CEP112: variants seen among roughly 807,000 people sequenced by gnomAD.
The protein encoded by CEP112 is centrosomal protein 112.
Under a neutral mutation model 153.0 loss-of-function variants are expected in CEP112, and 127 were observed. That is an observed-to-expected ratio of 0.83 (90% CI 0.72 to 0.96). The LOEUF (loss-of-function observed/expected upper bound fraction) is 0.96, where lower values mean the gene tolerates loss of function less well. Ranked by LOEUF, CEP112 falls within the 40% of genes least tolerant of loss-of-function variation. The pLI is 0.00. For missense variants in CEP112, 1,089 were observed against 1,101.2 expected (o/e 0.99, Z 0.16); for synonymous variants, 358 against 374.4 (o/e 0.96, Z 0.51).
At chr17:65,700,272 A>C (rs1312224546) in intron 23 of CEP112, among the ~76,000 whole-genome samples, 1 of 152,220 alleles carries the variant, frequency 6.6e-6, no homozygotes. Flanking sequence ...ACGTGGTACT[A>C]AACATTACCC....
chr17:66,183,362 ACT>A (rs770557687), intron 1 of CEP112, 55 bp from the exon 2 acceptor site: 11 of 1,222,730 alleles, frequency 9.0e-6, no homozygotes, highest in Non-Finnish European at 1.3e-5. Flanking sequence ...AAACTACAAA[ACT>A]CTGATGAGAA....
intron 6 of CEP112, among the ~76,000 whole-genome samples, chr17:66,103,886 A>C (rs1013904020): frequency 6.6e-6 from 1 of 152,210 alleles, no homozygotes; most frequent in African/African-American, 2.4e-5. Context: ...TCACAGCAGA[A>C]AGAAACAGCA....
At chr17:65,971,608 ATAT>A (rs1022650017) in intron 17 of CEP112, among the ~76,000 whole-genome samples, 22 of 128,396 alleles carry the variant, frequency 1.7e-4, no homozygotes, top group African/African-American at 5.8e-4. Flanking sequence ...TATTGTGTGC[ATAT>A]TATATGTATA....
intron 17 of CEP112, among the ~76,000 whole-genome samples, chr17:65,975,920 G>T (rs757858430): frequency 2.6e-5 from 4 of 152,162 alleles, no homozygotes; most frequent in Non-Finnish European, 4.4e-5. Flanking sequence ...TAAACAAAAA[G>T]AATCTGAAAT....
At chr17:65,638,298 A>G (rs2044892173) in intron 25 of CEP112, among the ~76,000 whole-genome samples, 1 of 152,218 alleles carries the variant, frequency 6.6e-6, no homozygotes, top group African/African-American at 2.4e-5. Flanking sequence ...AGCACCTTAC[A>G]CAACCCAAAT....
chr17:65,795,276 G>A (rs1193591107), intron 21 of CEP112, among the ~76,000 whole-genome samples: 1 of 152,142 alleles, frequency 6.6e-6, no homozygotes, highest in Non-Finnish European at 1.5e-5. Flanking sequence ...TGGTTATTAT[G>A]ATTAAAGGGG....
chr17:65,650,742 A>AAAT (rs1567810689), intron 24 of CEP112, among the ~76,000 whole-genome samples: 1 of 150,466 alleles, frequency 6.6e-6, no homozygotes, highest in African/African-American at 2.4e-5. Flanking sequence ...AAAAAAAAAA[A>AAAT]AAAAAAAAAA....
At chr17:65,771,481 G>T (rs1345336910) in intron 21 of CEP112, among the ~76,000 whole-genome samples, 2 of 152,120 alleles carry the variant, frequency 1.3e-5, no homozygotes, top group East Asian at 3.8e-4. Context: ...GAAGTGATAG[G>T]ACAAGTAGAC....
chr17:65,727,684 C>A (rs1206910663), intron 23 of CEP112, among the ~76,000 whole-genome samples: 1 of 152,152 alleles, frequency 6.6e-6, no homozygotes, highest in East Asian at 1.9e-4. Context: ...AAGGGAAGAT[C>A]ACAACTCAAT....
intron 8 of CEP112, among the ~76,000 whole-genome samples, chr17:66,088,711 A>G (rs1194698096): frequency 6.6e-6 from 1 of 152,184 alleles, no homozygotes; most frequent in Non-Finnish European, 1.5e-5. Context: ...CTCAGGGTCT[A>G]GACCTGACTA....
chr17:66,004,275 T>C (rs1598078426), intron 17 of CEP112, among the ~76,000 whole-genome samples: 1 of 149,520 alleles, frequency 6.7e-6, no homozygotes, highest in Admixed American at 6.7e-5. Flanking sequence ...AGGTCAGGAG[T>C]TCGAGACCAG....
chr17:65,889,988 T>G (rs970595723), intron 20 of CEP112, among the ~76,000 whole-genome samples: 2 of 152,156 alleles, frequency 1.3e-5, no homozygotes, highest in Non-Finnish European at 2.9e-5. Context: ...TTTGAGACAC[T>G]CCTATCATAA....
At chr17:65,992,965 T>A (rs901677806) in intron 17 of CEP112, among the ~76,000 whole-genome samples, 2 of 152,148 alleles carry the variant, frequency 1.3e-5, no homozygotes, top group African/African-American at 4.8e-5. Context: ...CGAGGGTACA[T>A]GTGCAGGATG....
intron 16 of CEP112, among the ~76,000 whole-genome samples, chr17:66,021,923 C>T (rs529919459): frequency 2.6e-5 from 4 of 152,184 alleles, no homozygotes; most frequent in East Asian, 1.9e-4. Flanking sequence ...GAGCAACTGG[C>T]GTTTTTACCT....
intron 12 of CEP112, among the ~76,000 whole-genome samples, chr17:66,044,128 G>A (rs1394847292): frequency 6.6e-6 from 1 of 151,940 alleles, no homozygotes; most frequent in East Asian, 1.9e-4. Context: ...TTCTCTGACA[G>A]GTACCTCTTG....
chr17:66,111,498 T>C (rs923346537), intron 6 of CEP112, among the ~76,000 whole-genome samples: 3 of 152,148 alleles, frequency 2.0e-5, no homozygotes, highest in African/African-American at 7.2e-5. Flanking sequence ...ACTGTACATA[T>C]ACCCACGGAA....
At chr17:66,176,729 G>T in intron 3 of CEP112, 101 bp downstream of exon 3, 1 of 815,728 alleles carries the variant, frequency 1.2e-6, no homozygotes, top group Non-Finnish European at 1.9e-6. Flanking sequence ...ATATTATCTA[G>T]CACATACAAC....
intron 8 of CEP112, among the ~76,000 whole-genome samples, chr17:66,075,757 C>T (rs926570437): frequency 6.6e-6 from 1 of 152,084 alleles, no homozygotes. Context: ...CAGAGGCTTG[C>T]ATCATGAATT....
intron 21 of CEP112, among the ~76,000 whole-genome samples, chr17:65,845,461 T>C (rs1244080388): frequency 4.6e-5 from 7 of 152,226 alleles, no homozygotes; most frequent in Non-Finnish European, 7.3e-5. Flanking sequence ...ATCAAATTAA[T>C]TAGTTTGATC....
Sources: allele counts gnomAD v4.1 joint callset (sites outside exome capture counted in the v4.1 genomes callset), GRCh38; gene constraint gnomAD v4.1.1; transcripts MANE v1.5; gene names NCBI Gene and HGNC (gene_info 2026-07-23, HGNC 2026-07-21).